Variants in MEGF10 observed in about 807,000 individuals in gnomAD.
MEGF10 encodes the protein multiple epidermal growth factor-like domains protein 10.
MEGF10 carries 86 observed loss-of-function variants against 147.5 expected under a neutral mutation model. That is an observed-to-expected ratio of 0.58 (90% CI 0.49 to 0.70). MEGF10 has a LOEUF of 0.70. MEGF10 is among the 30% of genes least tolerant of loss of function. MEGF10 has a pLI of 0.00. For synonymous variants in MEGF10, 478 were observed against 525.5 expected (o/e 0.91, Z 1.24); for missense variants, 1,329 against 1,487.3 (o/e 0.89, Z 1.75).
intron 1 of MEGF10, among the ~76,000 whole-genome samples, chr5:127,304,380 C>T (rs1472857974): frequency 6.6e-6 from 1 of 152,176 alleles, no homozygotes; most frequent in African/African-American, 2.4e-5. Flanking sequence ...TTTGTGTTAC[C>T]ACATCATAAG....
chr5:127,337,467 T>C (rs17165043), intron 2 of MEGF10, among the ~76,000 whole-genome samples: 7,852 of 152,100 alleles, frequency 0.052, 300 homozygotes, highest in African/African-American at 0.092. Context: ...GAAAAAATAT[T>C]GGTAAGGAAG....
the MEGF10 span, among the ~76,000 whole-genome samples, chr5:127,246,982 AAG>A: frequency 1.8e-4 from 1 of 5,462 alleles, no homozygotes; most frequent in Non-Finnish European, 5.0e-4. Flanking sequence ...TATGTATAAA[AAG>A]AATATATATA....
At chr5:127,369,447 A>C (rs888006841) in intron 4 of MEGF10, among the ~76,000 whole-genome samples, 5 of 152,200 alleles carry the variant, frequency 3.3e-5, no homozygotes, top group African/African-American at 1.2e-4. Flanking sequence ...TTCACAAAGA[A>C]GTGTGACTAT....
Position 127,420,082 on chromosome 5 carries a change from G to A in MEGF10, c.1465G>A (p.Gly489Ser), listed in dbSNP as rs1561635953. The change falls in exon 12 of 25, where the codon GGC (glycine) becomes AGC (serine). Residue 489 changes from glycine to serine, a missense_variant. Gly to Ser is a moderately conservative substitution (Grantham distance 56). This residue lies in a region of MEGF10 where 980 missense variants were observed against 1,085.9 expected (regional missense o/e 0.90). Coordinates refer to ENST00000503335, the MANE Select transcript of MEGF10 (RefSeq NM_001256545.2). Reference sequence around the variant, plus strand: ...GGACTGCTCCATCAGATGTCCCAGTGGCACATGGGGCTTTGGCTGTAACTT... The same window carrying A: ...GGACTGCTCCATCAGATGTCCCAGTAGCACATGGGGCTTTGGCTGTAACTT... Reference protein sequence around the residue: ...GVDCSIRCPSGTWGFGCNLTC... With the variant: ...GVDCSIRCPSSTWGFGCNLTC... 1.1e-5 allele frequency: 18 copies of A among 1,614,056 alleles called. No individual in the cohort carries two copies. Among genetic ancestry groups the A allele is most frequent in the Non-Finnish European group, 1.3e-5 (15 of 1,180,046 alleles).
rs995266110 is a variant in MEGF10, at chr5:127,457,825, T to C, written c.*507T>C. The C allele has an allele frequency of 5.8e-5, 9 of 153,878 alleles. No homozygotes were observed. The highest frequency in any genetic ancestry group is 1.3e-4 in the Admixed American group (2 of 15,706). The allele number at this position is 153,878 out of a possible 1,614,324, so 9.5% of individuals were successfully genotyped here. A position where few individuals can be genotyped will look rare whatever the true frequency, so the allele number is the denominator to read the frequency against. ...TAACTTTATTCAACTGGACTCAGAA[T>C]TGTAGGGATAATATGAATGCAGGAG... On this transcript the variant is annotated 3_prime_UTR_variant, in exon 25 of 25. Transcript: ENST00000503335.
chr5:127,384,946 G>A (rs560963506), intron 5 of MEGF10, among the ~76,000 whole-genome samples: 5 of 152,272 alleles, frequency 3.3e-5, no homozygotes, highest in African/African-American at 4.8e-5. Flanking sequence ...AGCCTGAAGC[G>A]CAAGGAATGA....
chr5:127,342,401 A>C (rs962398152), intron 4 of MEGF10, among the ~76,000 whole-genome samples: 6 of 152,162 alleles, frequency 3.9e-5, no homozygotes, highest in Admixed American at 2.6e-4. Flanking sequence ...GGGGTCATAG[A>C]ATTTGTATAT....
chr5:127,367,296 T>C (rs1409112515), intron 4 of MEGF10, among the ~76,000 whole-genome samples: 5 of 152,170 alleles, frequency 3.3e-5, no homozygotes, highest in African/African-American at 9.7e-5. Context: ...ACTGGAAATA[T>C]TCTCCCCTCA....
At chr5:127,363,083 T>C (rs73344982) in intron 4 of MEGF10, among the ~76,000 whole-genome samples, 5,726 of 152,240 alleles carry the variant, frequency 0.038, 362 homozygotes, top group African/African-American at 0.13. Flanking sequence ...CTTTTGGTCA[T>C]CCCACTTGCA....
the MEGF10 span, among the ~76,000 whole-genome samples, chr5:127,285,100 G>A: frequency 6.6e-6 from 1 of 152,284 alleles, no homozygotes; most frequent in Non-Finnish European, 1.5e-5. Context: ...TACAGGATGT[G>A]AATAAATATA....
intron 1 of MEGF10, among the ~76,000 whole-genome samples, chr5:127,295,025 C>T (rs1759436759): frequency 6.6e-6 from 1 of 152,002 alleles, no homozygotes; most frequent in Non-Finnish European, 1.5e-5. Flanking sequence ...AAAGGAAGTG[C>T]CAATGCCAAT....
the MEGF10 span, among the ~76,000 whole-genome samples, chr5:127,247,324 AAG>A: frequency 3.0e-3 from 8 of 2,652 alleles, no homozygotes; most frequent in South Asian, 0.04. Context: ...GAGAGAGAAG[AAG>A]AAGAAGAAGA....
intron 5 of MEGF10, among the ~76,000 whole-genome samples, chr5:127,386,686 C>T (rs1355102048): frequency 6.6e-6 from 1 of 152,136 alleles, no homozygotes; most frequent in African/African-American, 2.4e-5. Flanking sequence ...TGAAATTTTA[C>T]ATTGTGAGAA....
At chr5:127,421,965 G>C (rs938931364) in intron 12 of MEGF10, among the ~76,000 whole-genome samples, 2 of 144,504 alleles carry the variant, frequency 1.4e-5, no homozygotes, top group Admixed American at 6.8e-5. Flanking sequence ...GTCCGGCCTG[G>C]GTGAAAGAGT....
At chr5:127,414,921 A>T (rs981644084) in intron 9 of MEGF10, among the ~76,000 whole-genome samples, 6 of 152,160 alleles carry the variant, frequency 3.9e-5, no homozygotes, top group African/African-American at 7.2e-5. Flanking sequence ...AAGTGGAGAG[A>T]CCTACCTTCA....
chr5:127,342,213 A>G (rs1227001849), intron 4 of MEGF10, among the ~76,000 whole-genome samples: 1 of 152,180 alleles, frequency 6.6e-6, no homozygotes, highest in Non-Finnish European at 1.5e-5. Flanking sequence ...AAAAGAAAGC[A>G]GTGTGGAGTA....
intron 10 of MEGF10, 118 bp downstream of exon 10, chr5:127,417,930 T>C (rs1764839148): frequency 1.9e-6 from 2 of 1,036,214 alleles, no homozygotes; most frequent in Middle Eastern, 3.1e-4. Context: ...ATCCACATCA[T>C]TAAAGAGAGA....
intron 7 of MEGF10, among the ~76,000 whole-genome samples, chr5:127,402,076 T>C (rs763526198): frequency 1.6e-4 from 24 of 152,252 alleles, no homozygotes; most frequent in Non-Finnish European, 2.9e-4. Context: ...AAGCCAATGA[T>C]AAAACATGTA....
At chr5:127,359,890 T>C (rs1762413203) in intron 4 of MEGF10, among the ~76,000 whole-genome samples, 1 of 152,168 alleles carries the variant, frequency 6.6e-6, no homozygotes, top group African/African-American at 2.4e-5. Context: ...TCTTGGGTAA[T>C]ACCTGGAGTT....
Sources: allele counts gnomAD v4.1 joint callset (sites outside exome capture counted in the v4.1 genomes callset), GRCh38; gene constraint gnomAD v4.1.1; regional missense constraint gnomAD v4.1.1; transcripts MANE v1.5; gene names NCBI Gene and HGNC (gene_info 2026-07-23, HGNC 2026-07-21).